AFG2B: variants seen among roughly 807,000 people sequenced by gnomAD.
AFG2B encodes the protein ATPase family gene 2 protein homolog B.
the AFG2B span, among the ~76,000 whole-genome samples, chr15:45,412,620 T>C: frequency 1.3e-5 from 2 of 152,224 alleles, no homozygotes; most frequent in Non-Finnish European, 2.9e-5. Context: ...TCAGAAAATA[T>C]TCTTTTGATT....
the AFG2B span, chr15:45,405,543 A>G: frequency 1.1e-5 from 17 of 1,575,596 alleles, no homozygotes; most frequent in Admixed American, 5.2e-5. Context: ...ATGTTAATCT[A>G]TTATTGTAAC....
the AFG2B span, among the ~76,000 whole-genome samples, chr15:45,415,085 A>G: frequency 6.6e-6 from 1 of 152,176 alleles, no homozygotes; most frequent in Non-Finnish European, 1.5e-5. Flanking sequence ...TTTGAAATTT[A>G]TAGTATTCTT....
At chr15:45,403,113 G>C in the AFG2B span, 1 of 1,509,922 alleles carries the variant, frequency 6.6e-7, no homozygotes, top group South Asian at 1.2e-5. Context: ...CCCTGACCGC[G>C]CTGGGCTTAG....
the AFG2B span, chr15:45,402,461 G>A: frequency 6.2e-7 from 1 of 1,607,962 alleles, no homozygotes; most frequent in Non-Finnish European, 8.5e-7. Flanking sequence ...TTCCCTGAAG[G>A]GCCGCTCTTA....
At chr15:45,402,957 G>T in the AFG2B span, 1 of 1,597,342 alleles carries the variant, frequency 6.3e-7, no homozygotes, top group Non-Finnish European at 8.5e-7. Flanking sequence ...ATCCCGCTGG[G>T]CTGGTCACCC....
At chr15:45,411,128 G>T in the AFG2B span, among the ~76,000 whole-genome samples, 1 of 152,110 alleles carries the variant, frequency 6.6e-6, no homozygotes, top group African/African-American at 2.4e-5. Context: ...CTTGAACCCG[G>T]GAGGCAGAGG....
the AFG2B span, chr15:45,414,687 C>T: frequency 1.2e-6 from 2 of 1,614,118 alleles, no homozygotes; most frequent in South Asian, 1.1e-5. Flanking sequence ...TGGTGAGGGC[C>T]CTGGCCACAA....
chr15:45,402,511 C>A, the AFG2B span: 1 of 1,607,130 alleles, frequency 6.2e-7, no homozygotes, highest in Admixed American at 1.7e-5. Context: ...GGGCACCCAG[C>A]GCTGCCGCCT....
At chr15:45,406,318 A>G in the AFG2B span, among the ~76,000 whole-genome samples, 7 of 152,238 alleles carry the variant, frequency 4.6e-5, no homozygotes, top group Non-Finnish European at 1.0e-4. Context: ...GTTAGGCAGC[A>G]CATGATATGT....
chr15:45,407,569 G>A, the AFG2B span, among the ~76,000 whole-genome samples: 11 of 152,084 alleles, frequency 7.2e-5, no homozygotes, highest in Non-Finnish European at 1.5e-4. Flanking sequence ...ATATAATAGG[G>A]TTATTCATGA....
At chr15:45,406,027 G>GT in the AFG2B span, among the ~76,000 whole-genome samples, 4 of 151,994 alleles carry the variant, frequency 2.6e-5, no homozygotes, top group Admixed American at 6.6e-5. Context: ...CCGCGAAAAC[G>GT]TAAGTGTATA....
the AFG2B span, among the ~76,000 whole-genome samples, chr15:45,420,856 G>C: frequency 6.6e-6 from 1 of 152,136 alleles, no homozygotes; most frequent in Admixed American, 6.6e-5. Flanking sequence ...GTTGGGCGTG[G>C]TGGCAGCCTT....
the AFG2B span, chr15:45,418,562 G>C: frequency 6.3e-7 from 1 of 1,595,058 alleles, no homozygotes; most frequent in East Asian, 2.2e-5. Flanking sequence ...TCCAGGGCAG[G>C]CTTTCTATTT....
chr15:45,418,714 A>G, the AFG2B span: 1 of 1,602,140 alleles, frequency 6.2e-7, no homozygotes, highest in Non-Finnish European at 8.5e-7. Context: ...TTTGTGGTTC[A>G]AAACATTTCT....
the AFG2B span, chr15:45,403,096 C>T: frequency 5.9e-6 from 9 of 1,522,778 alleles, no homozygotes; most frequent in African/African-American, 9.9e-5. Context: ...GCTCCGCTAC[C>T]CGCGCGCCCT....
At chr15:45,409,383 A>G in the AFG2B span, among the ~76,000 whole-genome samples, 1 of 152,078 alleles carries the variant, frequency 6.6e-6, no homozygotes, top group South Asian at 2.1e-4. Context: ...CCAAAAAAAA[A>G]AAAAAAAAGA....
the AFG2B span, chr15:45,403,379 C>G: frequency 6.2e-6 from 10 of 1,611,224 alleles, no homozygotes; most frequent in East Asian, 2.2e-4. Flanking sequence ...AGTCGAGCAC[C>G]CGAGAGCCGC....
At chr15:45,420,801 G>A in the AFG2B span, among the ~76,000 whole-genome samples, 4 of 152,070 alleles carry the variant, frequency 2.6e-5, no homozygotes, top group South Asian at 2.1e-4. Flanking sequence ...AGATGAGCCC[G>A]GCCAACATGG....
the AFG2B span, among the ~76,000 whole-genome samples, chr15:45,406,567 A>G: frequency 6.6e-6 from 1 of 152,254 alleles, no homozygotes; most frequent in Non-Finnish European, 1.5e-5. Flanking sequence ...ATTAGATTAA[A>G]TATAATACTT....
Sources: allele counts gnomAD v4.1 joint callset (sites outside exome capture counted in the v4.1 genomes callset), GRCh38; gene constraint gnomAD v4.1.1; transcripts MANE v1.5; gene names NCBI Gene and HGNC (gene_info 2026-07-23, HGNC 2026-07-21).